The following ATE1 variants were observed in gnomAD, a reference collection of about 807,000 sequenced individuals.
ATE1 encodes the protein arginyl-tRNA--protein transferase 1.
ATE1 carries 36 observed loss-of-function variants against 70.5 expected under a neutral mutation model. The ratio of observed to expected loss-of-function variants is 0.51; its 90% CI spans 0.39 to 0.67. ATE1 has a LOEUF of 0.67. Ranked by LOEUF, ATE1 falls within the 30% of genes least tolerant of loss-of-function variation. The pLI is 0.00. For missense variants in ATE1, 593 were observed against 629.5 expected, an observed-to-expected ratio of 0.94 and a Z score of 0.62; for synonymous variants, 232 against 219.3, an observed-to-expected ratio of 1.06 and a Z score of -0.51.
At chr10:121,780,479 CCTT>C (rs1945937134) in intron 11 of ATE1, among the ~76,000 whole-genome samples, 1 of 152,182 alleles carries the variant, frequency 6.6e-6, no homozygotes, top group African/African-American at 2.4e-5. Flanking sequence ...GCATGCAAAC[CCTT>C]CTTAACTCTG....
intron 11 of ATE1, among the ~76,000 whole-genome samples, chr10:121,757,317 A>C (rs560356451): frequency 2.0e-4 from 31 of 152,282 alleles, no homozygotes; most frequent in African/African-American, 7.5e-4. Flanking sequence ...ATCTCTAGGA[A>C]GTTCCAAACT....
chr10:121,807,172 C>T (rs543716377), intron 10 of ATE1, among the ~76,000 whole-genome samples: 1 of 152,300 alleles, frequency 6.6e-6, no homozygotes, highest in South Asian at 2.1e-4. Context: ...CAAGATATCA[C>T]GCAGGTGACA....
At chr10:121,802,771 C>T (rs1266129922) in intron 10 of ATE1, among the ~76,000 whole-genome samples, 4 of 152,296 alleles carry the variant, frequency 2.6e-5, no homozygotes, top group South Asian at 2.1e-4. Context: ...AAATGCCTAC[C>T]GTCTTCCACG....
intron 7 of ATE1, among the ~76,000 whole-genome samples, chr10:121,892,236 C>A (rs189972797): frequency 6.8e-6 from 1 of 148,072 alleles, no homozygotes; most frequent in African/African-American, 2.4e-5. Flanking sequence ...GATGAAAACA[C>A]GACCGGTGAA....
At chr10:121,759,023 C>T (rs931954830) in intron 11 of ATE1, among the ~76,000 whole-genome samples, 1 of 152,118 alleles carries the variant, frequency 6.6e-6, no homozygotes, top group Admixed American at 6.5e-5. Context: ...CCCTAAAAGG[C>T]CTCTAAGTGT....
Position 121,815,168 on chromosome 10 carries a change from C to T in ATE1, c.1257+21550G>A, listed in dbSNP as rs11200172. On this transcript the variant is annotated intron_variant, in intron 10 of 11. Transcript: ENST00000224652. The stretch of plus-strand genomic sequence containing the variant: ...TGTTTTTGTTTTTGAGACGGAGTCT[C>T]GCTGTCGCCCAGGCTGGACTGCAGT... Among the ~76,000 whole-genome samples, 462 of 152,360 alleles carry T rather than the reference C, an allele frequency of 3.0e-3. 7 individuals carry two copies. In the East Asian group the frequency reaches 0.031, roughly 10 times the overall value.
chr10:121,925,901 A>T (rs1952069378), intron 1 of ATE1, among the ~76,000 whole-genome samples: 1 of 151,884 alleles, frequency 6.6e-6, no homozygotes, highest in Non-Finnish European at 1.5e-5. Flanking sequence ...AAAAAAAAAA[A>T]AATTAAAGTT....
chr10:121,907,588 C>T (rs1043874479), intron 5 of ATE1, among the ~76,000 whole-genome samples: 1 of 151,952 alleles, frequency 6.6e-6, no homozygotes, highest in Non-Finnish European at 1.5e-5. Flanking sequence ...TCCTGGCTAA[C>T]ACGGTGAAAC....
chr10:121,904,477 TA>T (rs1375556731), intron 5 of ATE1, among the ~76,000 whole-genome samples: 1 of 150,422 alleles, frequency 6.6e-6, no homozygotes, highest in Non-Finnish European at 1.5e-5. Context: ...CTGTCTCTAC[TA>T]AATATTAAAA....
At chr10:121,782,212 A>C (rs1473435742) in intron 11 of ATE1, among the ~76,000 whole-genome samples, 1 of 152,200 alleles carries the variant, frequency 6.6e-6, no homozygotes, top group Non-Finnish European at 1.5e-5. Context: ...TTGAATATCA[A>C]ATTATGTGGT....
intron 8 of ATE1, among the ~76,000 whole-genome samples, chr10:121,841,706 A>AC (rs1233676350): frequency 6.6e-6 from 1 of 152,116 alleles, no homozygotes; most frequent in African/African-American, 2.4e-5. Context: ...TATAAGAGGG[A>AC]GCTAAGCTAT....
chr10:121,796,545 C>G (rs1946664974), intron 10 of ATE1, among the ~76,000 whole-genome samples: 1 of 152,084 alleles, frequency 6.6e-6, no homozygotes, highest in Non-Finnish European at 1.5e-5. Flanking sequence ...TCAGTTACCA[C>G]AGAAGAGTTA....
At chr10:121,803,115 A>AC (rs1436538350) in intron 10 of ATE1, among the ~76,000 whole-genome samples, 1 of 151,602 alleles carries the variant, frequency 6.6e-6, no homozygotes, top group African/African-American at 2.4e-5. Flanking sequence ...TTTTTACATC[A>AC]CCCCTCCCCT....
chr10:121,856,854 A>T (rs1435478553), intron 8 of ATE1, among the ~76,000 whole-genome samples: 1 of 152,206 alleles, frequency 6.6e-6, no homozygotes, highest in Non-Finnish European at 1.5e-5. Context: ...AAAATGAAGG[A>T]TGTCATATAG....
chr10:121,903,118 T>TTGGACAGACTGGTCTCAAACTCCCTTG (rs1564947044), intron 5 of ATE1, among the ~76,000 whole-genome samples: 1 of 132,180 alleles, frequency 7.6e-6, no homozygotes, highest in Non-Finnish European at 1.7e-5. Flanking sequence ...CTCAAACTCC[T>TTGGACAGACTGGTCTCAAACTCCCTTG]GACCTCGTGA....
chr10:121,923,819 T>C (rs1174624872), intron 2 of ATE1, among the ~76,000 whole-genome samples: 1 of 152,190 alleles, frequency 6.6e-6, no homozygotes, highest in Non-Finnish European at 1.5e-5. Context: ...AGGTAACAGG[T>C]AACATCAAAG....
chr10:121,765,486 A>G (rs1945242857), intron 11 of ATE1, among the ~76,000 whole-genome samples: 1 of 152,258 alleles, frequency 6.6e-6, no homozygotes, highest in Non-Finnish European at 1.5e-5. Flanking sequence ...TGGGGCCTAC[A>G]GATAAATAAT....
intron 7 of ATE1, among the ~76,000 whole-genome samples, chr10:121,881,371 G>C (rs1057398878): frequency 6.6e-6 from 1 of 152,008 alleles, no homozygotes. Context: ...CCCCAATATA[G>C]CTAACTTATC....
At chr10:121,778,909 G>C (rs1945861933) in intron 11 of ATE1, among the ~76,000 whole-genome samples, 1 of 151,982 alleles carries the variant, frequency 6.6e-6, no homozygotes, top group African/African-American at 2.4e-5. Context: ...ACCCAGCCAT[G>C]GCCAGCTTTT....
Sources: allele counts gnomAD v4.1 joint callset (sites outside exome capture counted in the v4.1 genomes callset), GRCh38; gene constraint gnomAD v4.1.1; transcripts MANE v1.5; gene names NCBI Gene and HGNC (gene_info 2026-07-23, HGNC 2026-07-21).